The following ARID5B variants were observed in gnomAD, a reference collection of about 807,000 sequenced individuals.
ARID5B encodes AT-rich interactive domain-containing protein 5B.
In ARID5B, 13 loss-of-function variants were observed where a neutral mutation model predicts 97.2. That is an observed-to-expected ratio of 0.13 (90% CI 0.09 to 0.21). The LOEUF is 0.21. ARID5B is among the 10% of genes least tolerant of loss of function. The pLI is 1.00. For missense variants in ARID5B, 1,210 were observed against 1,465.3 expected, an observed-to-expected ratio of 0.83 and a Z score of 2.84; for synonymous variants, 556 against 570.3, an observed-to-expected ratio of 0.97 and a Z score of 0.36.
At chr10:62,045,883 C>T (rs190076419) in intron 4 of ARID5B, among the ~76,000 whole-genome samples, 1 of 152,294 alleles carries the variant, frequency 6.6e-6, no homozygotes, top group Admixed American at 6.5e-5. Context: ...TGTTTTCTGG[C>T]TCGTGTTTAA....
At chr10:61,908,710 G>A (rs1843745499) in intron 2 of ARID5B, among the ~76,000 whole-genome samples, 1 of 147,950 alleles carries the variant, frequency 6.8e-6, no homozygotes, top group Non-Finnish European at 1.5e-5. Context: ...TGAGGCAGGA[G>A]AATGGCGTGA....
chr10:61,921,929 C>A (rs1452148052), intron 2 of ARID5B, among the ~76,000 whole-genome samples: 1 of 152,116 alleles, frequency 6.6e-6, no homozygotes, highest in Non-Finnish European at 1.5e-5. Context: ...GCAGCCTCGA[C>A]CTCCCTGGCT....
chr10:62,028,045 T>C (rs1416775136), intron 4 of ARID5B, among the ~76,000 whole-genome samples: 2 of 152,186 alleles, frequency 1.3e-5, no homozygotes, highest in African/African-American at 4.8e-5. Flanking sequence ...GTTGAAGGGA[T>C]GGATGAGTTA....
In ARID5B at chr10:62,050,960, A is replaced by G; in HGVS notation, c.806A>G (p.Lys269Arg). Residue 269 changes from lysine (K) to arginine (R), a missense_variant, in exon 5 of 10, where the codon AAG becomes AGG. Coordinates refer to ENST00000279873, the MANE Select transcript of ARID5B (RefSeq NM_032199.3). ...PQRRDSFSGV[K>R]DSNNNSDGKA... ...AGAAGAGATTCATTCAGTGGTGTTAAGGATTCCAACAACAATTCCGATGGC... is the reference window on the plus strand; with the variant it reads ...AGAAGAGATTCATTCAGTGGTGTTAGGGATTCCAACAACAATTCCGATGGC... The G allele has an allele frequency of 6.2e-7, 1 of 1,614,238 alleles. No individual in the cohort carries two copies. Among genetic ancestry groups the G allele is most frequent in the Non-Finnish European group, 8.5e-7 (1 of 1,180,016 alleles).
At chr10:62,023,913 T>C (rs1839386886) in intron 4 of ARID5B, among the ~76,000 whole-genome samples, 1 of 151,790 alleles carries the variant, frequency 6.6e-6, no homozygotes, top group African/African-American at 2.4e-5. Context: ...GTAGATAAAG[T>C]GGTGTTCCCT....
Position 62,080,927 on chromosome 10 carries a change from A to G in ARID5B, c.1200-4775A>G, listed in dbSNP as rs143880136. ...AGCTTCTGCCACTGGGGTTCAAGCA[A>G]TTCTCCTGCCTCAGTTTCCCAAGTG... On this transcript the variant is annotated intron_variant, in intron 8 of 9. Coordinates refer to ENST00000279873, the MANE Select transcript of ARID5B (RefSeq NM_032199.3). 8.3e-3 allele frequency among the ~76,000 whole-genome samples: 1,263 copies of G among 152,112 alleles called. 22 individuals carry two copies. The highest frequency in any genetic ancestry group is 0.029 in the African/African-American group (1,196 of 41,468).
At chr10:61,958,862 A>G (rs1320236562) in intron 3 of ARID5B, among the ~76,000 whole-genome samples, 1 of 152,200 alleles carries the variant, frequency 6.6e-6, no homozygotes, top group Non-Finnish European at 1.5e-5. Flanking sequence ...CAAAATTCCT[A>G]ATATTCCACC....
intron 3 of ARID5B, among the ~76,000 whole-genome samples, chr10:61,940,938 T>C (rs1844389571): frequency 1.4e-4 from 1 of 7,340 alleles, no homozygotes; most frequent in Non-Finnish European, 6.2e-4. Context: ...TATATATATA[T>C]ATATATATAT....
chr10:62,008,991 A>C (rs1214431504), intron 4 of ARID5B, among the ~76,000 whole-genome samples: 1 of 152,170 alleles, frequency 6.6e-6, no homozygotes, highest in Non-Finnish European at 1.5e-5. Context: ...TGCTTCTGTC[A>C]CTTTTTTATT....
chr10:62,096,629 T>A lies in ARID5B; in HGVS notation c.*3599T>A, dbSNP rs928931007. On this transcript the variant is annotated 3_prime_UTR_variant, in exon 10 of 10. Transcript: ENST00000279873. The stretch of plus-strand genomic sequence containing the variant: ...ACTTTCCTGTGTTGTAAATATTGTA[T>A]ACTTTTGGTGATTCCAGCTATGTAA... 8.6e-6 allele frequency: 2 copies of A among 233,494 alleles called. No individual in the cohort carries two copies. Among genetic ancestry groups the A allele is most frequent in the South Asian group, 1.8e-4 (1 of 5,536 alleles). 14.5% of individuals were successfully genotyped at this position (233,494 alleles called of 1,614,324 possible).
At chr10:61,923,699 T>C (rs1006223227) in intron 2 of ARID5B, among the ~76,000 whole-genome samples, 18 of 152,170 alleles carry the variant, frequency 1.2e-4, no homozygotes, top group African/African-American at 3.9e-4. Context: ...ACACTGAAGA[T>C]GAAAGAGTGA....
At chr10:61,941,274 T>A (rs1374597702) in intron 3 of ARID5B, among the ~76,000 whole-genome samples, 1 of 151,544 alleles carries the variant, frequency 6.6e-6, no homozygotes, top group Non-Finnish European at 1.5e-5. Flanking sequence ...TCTTCTCCAG[T>A]GACATTTTGT....
At chr10:62,062,957 G>A (rs922457057) in intron 7 of ARID5B, among the ~76,000 whole-genome samples, 9 of 152,052 alleles carry the variant, frequency 5.9e-5, no homozygotes, top group East Asian at 1.9e-4. Context: ...CCTCTGTAGC[G>A]TTGCTGAAAG....
chr10:61,942,519 C>A (rs1206718862), intron 3 of ARID5B, among the ~76,000 whole-genome samples: 1 of 152,194 alleles, frequency 6.6e-6, no homozygotes, highest in African/African-American at 2.4e-5. Flanking sequence ...TGGCCGGGTG[C>A]GGTGGCTCAC....
At chr10:62,085,323 G>A (rs961196729) in intron 8 of ARID5B, among the ~76,000 whole-genome samples, 1 of 152,204 alleles carries the variant, frequency 6.6e-6, no homozygotes, top group South Asian at 2.1e-4. Context: ...ACTGCCTATA[G>A]TATGTGCTCA....
Position 61,915,599 on chromosome 10 carries a change from ACCAGTT to A in ARID5B, c.276+13187_276+13192del, listed in dbSNP as rs1843887483. Among the ~76,000 whole-genome samples the A allele has an allele frequency of 5.3e-5, 8 of 152,230 alleles. No homozygotes were observed. The South Asian group carries it at 6.2e-4, about 12-fold the overall frequency. The stretch of plus-strand genomic sequence containing the variant: ...AGATGTCCGTTTGCCCACTGGAGGG[ACCAGTT>A]GGTCTAGGTATCATCTAGACACCTG... On this transcript the variant is annotated intron_variant, in intron 2 of 9. Coordinates refer to ENST00000279873, the MANE Select transcript of ARID5B (RefSeq NM_032199.3).
At chr10:61,930,088 TC>T (rs147137700) in intron 2 of ARID5B, among the ~76,000 whole-genome samples, 2,602 of 152,176 alleles carry the variant, frequency 0.017, 78 homozygotes, top group African/African-American at 0.059. Context: ...AGCACTGGAA[TC>T]CCCATAGAGA....
chr10:62,071,150 C>G (rs746606398), intron 8 of ARID5B, among the ~76,000 whole-genome samples: 2 of 150,808 alleles, frequency 1.3e-5, no homozygotes, highest in Admixed American at 6.6e-5. Flanking sequence ...ATTCTCCTGA[C>G]TCAGTCTCCC....
At chr10:61,954,767 C>T (rs1056744339) in intron 3 of ARID5B, among the ~76,000 whole-genome samples, 1 of 152,040 alleles carries the variant, frequency 6.6e-6, no homozygotes, top group African/African-American at 2.4e-5. Context: ...GTAATCCCAG[C>T]ACTTCAAGGC....
Sources: gnomAD v4.1 joint callset for allele counts (sites outside exome capture counted in the v4.1 genomes callset) on GRCh38, gnomAD v4.1.1 for gene constraint, MANE v1.5 for transcripts, NCBI Gene and HGNC (gene_info 2026-07-23, HGNC 2026-07-21) for gene names.